The following MSRA variants were observed in gnomAD, a reference collection of about 807,000 sequenced individuals.
MSRA encodes methionine sulfoxide reductase A.
A neutral mutation model predicts 31.3 loss-of-function variants in MSRA; 54 were observed. The observed-to-expected ratio is 1.73, with a 90% confidence interval of 1.39 to 2.17. The LOEUF is 2.17. MSRA is among the 30% of genes most tolerant of loss of function. The pLI, the probability that MSRA is intolerant of heterozygous loss-of-function variation, is 0.00. For missense variants in MSRA, 507 were observed against 300.9 expected, an observed-to-expected ratio of 1.69 and a Z score of -5.07; for synonymous variants, 169 against 116.5, an observed-to-expected ratio of 1.45 and a Z score of -2.90.
chr8:10,329,202 G>T (rs1403065223), intron 5 of MSRA, among the ~76,000 whole-genome samples: 1 of 152,210 alleles, frequency 6.6e-6, no homozygotes, highest in African/African-American at 2.4e-5. Flanking sequence ...TGGCTTAAAA[G>T]CAACAGGGAT....
At chr8:10,370,387 G>A (rs1474532108) in intron 5 of MSRA, among the ~76,000 whole-genome samples, 5 of 152,222 alleles carry the variant, frequency 3.3e-5, no homozygotes, top group African/African-American at 1.2e-4. Context: ...TGGTGGCATA[G>A]CATACGGGCG....
intron 1 of MSRA, among the ~76,000 whole-genome samples, chr8:10,172,894 G>T (rs780429932): frequency 6.6e-6 from 1 of 152,210 alleles, no homozygotes; most frequent in Non-Finnish European, 1.5e-5. Context: ...TCTTAAAGAG[G>T]TTATGTGTGA....
chr8:10,314,676 A>G (rs1801615854), intron 4 of MSRA, among the ~76,000 whole-genome samples: 1 of 152,240 alleles, frequency 6.6e-6, no homozygotes, highest in Non-Finnish European at 1.5e-5. Flanking sequence ...AAACTCATGC[A>G]TATGTATAAG....
chr8:10,076,314 G>A (rs931943777), intron 1 of MSRA, among the ~76,000 whole-genome samples: 2 of 152,158 alleles, frequency 1.3e-5, no homozygotes, highest in African/African-American at 2.4e-5. Flanking sequence ...AGTGACTGAT[G>A]GCTACGTGAC....
intron 5 of MSRA, among the ~76,000 whole-genome samples, chr8:10,424,578 G>T (rs936105426): frequency 6.6e-6 from 1 of 151,616 alleles, no homozygotes. Context: ...CGGGAGAAGG[G>T]CCTGGGGTGG....
intron 1 of MSRA, among the ~76,000 whole-genome samples, chr8:10,157,793 T>A (rs1374486816): frequency 6.6e-6 from 1 of 151,976 alleles, no homozygotes; most frequent in African/African-American, 2.4e-5. Flanking sequence ...TCTTTCTCTC[T>A]CTCCCCATCT....
At chr8:10,117,703 G>C (rs113411256) in intron 1 of MSRA, among the ~76,000 whole-genome samples, 7,001 of 152,228 alleles carry the variant, frequency 0.046, 387 homozygotes, top group African/African-American at 0.13. Context: ...ATACATTTCA[G>C]GGTCTTTTTG....
intron 1 of MSRA, among the ~76,000 whole-genome samples, chr8:10,079,432 G>A (rs879833008): frequency 6.6e-6 from 1 of 152,148 alleles, no homozygotes; most frequent in East Asian, 1.9e-4. Context: ...TGGACTTACA[G>A]GTGTGAGCCA....
chr8:10,120,602 T>G (rs748694219), intron 1 of MSRA, among the ~76,000 whole-genome samples: 1 of 152,250 alleles, frequency 6.6e-6, no homozygotes, highest in South Asian at 2.1e-4. Flanking sequence ...CATCAAGAAT[T>G]TCTTGGAACT....
At position 10,133,775 on chromosome 8, in the gene MSRA, A is replaced by G. The variant is rs994824224; in HGVS notation, c.143-74058A>G. 2.6e-5 allele frequency among the ~76,000 whole-genome samples: 4 copies of G among 152,238 alleles called. No homozygotes were observed. In the East Asian group the frequency reaches 7.7e-4, roughly 29 times the overall value. ...CTTGGAGGCTGAACCTTAACAGGAT[A>G]TTATCCTGACCTGTCAGTTTAGCTC... On this transcript the variant is annotated intron_variant, in intron 1 of 5. Transcript: ENST00000317173.
intron 1 of MSRA, among the ~76,000 whole-genome samples, chr8:10,109,934 A>T (rs1004602605): frequency 6.6e-6 from 1 of 152,142 alleles, no homozygotes; most frequent in Non-Finnish European, 1.5e-5. Context: ...CAGTTGCCAC[A>T]GTTTTTGGTT....
chr8:10,297,202 G>A (rs1442518247), intron 3 of MSRA, among the ~76,000 whole-genome samples: 2 of 152,066 alleles, frequency 1.3e-5, no homozygotes, highest in Non-Finnish European at 2.9e-5. Context: ...TCTTGGATTG[G>A]ATGCTTCGTC....
chr8:10,259,814 G>A (rs1179936674), intron 3 of MSRA, among the ~76,000 whole-genome samples: 1 of 152,168 alleles, frequency 6.6e-6, no homozygotes, highest in African/African-American at 2.4e-5. Flanking sequence ...GTAGGCTGGG[G>A]CTGCTGCTCC....
chr8:10,076,889 T>C (rs2128921103), intron 1 of MSRA, among the ~76,000 whole-genome samples: 1 of 151,170 alleles, frequency 6.6e-6, no homozygotes, highest in Non-Finnish European at 1.5e-5. Context: ...GAGCATACAC[T>C]GGGGCCGGGT....
intron 1 of MSRA, among the ~76,000 whole-genome samples, chr8:10,093,264 T>C (rs565944150): frequency 6.6e-6 from 1 of 152,334 alleles, no homozygotes; most frequent in East Asian, 1.9e-4. Flanking sequence ...TTTGTTCTTC[T>C]GTTACTACCT....
intron 5 of MSRA, among the ~76,000 whole-genome samples, chr8:10,427,859 G>A (rs942733988): frequency 2.6e-5 from 4 of 152,182 alleles, no homozygotes; most frequent in Non-Finnish European, 4.4e-5. Flanking sequence ...CCAAACCAGG[G>A]CCCCCAACAT....
At chr8:10,109,879 A>G (rs1800154215) in intron 1 of MSRA, among the ~76,000 whole-genome samples, 1 of 152,216 alleles carries the variant, frequency 6.6e-6, no homozygotes, top group Non-Finnish European at 1.5e-5. Flanking sequence ...CAGTCTGAAT[A>G]TGGCCTTAGG....
chr8:10,417,112 C>T (rs1271478436), intron 5 of MSRA, among the ~76,000 whole-genome samples: 3 of 152,214 alleles, frequency 2.0e-5, no homozygotes, highest in Non-Finnish European at 2.9e-5. Context: ...CGTGCATTTG[C>T]ATAAGCAGGT....
At chr8:10,270,096 A>C (rs1334647434) in intron 3 of MSRA, among the ~76,000 whole-genome samples, 1 of 152,240 alleles carries the variant, frequency 6.6e-6, no homozygotes, top group Non-Finnish European at 1.5e-5. Flanking sequence ...CTATAGAATG[A>C]ATGTTTTCTT....
Sources: gnomAD v4.1 joint callset for allele counts (sites outside exome capture counted in the v4.1 genomes callset) on GRCh38, gnomAD v4.1.1 for gene constraint, MANE v1.5 for transcripts, NCBI Gene and HGNC (gene_info 2026-07-23, HGNC 2026-07-21) for gene names.